Variants in NPAS3 observed in about 807,000 individuals in gnomAD.
NPAS3 encodes the protein neuronal PAS domain protein 3.
NPAS3 carries 14 observed loss-of-function variants against 73.1 expected under a neutral mutation model. That is an observed-to-expected ratio of 0.19 (90% CI 0.13 to 0.30). The LOEUF is 0.30. Ranked by LOEUF, NPAS3 falls within the 10% of genes least tolerant of loss-of-function variation. The pLI is 1.00. For missense variants in NPAS3, 1,096 were observed against 1,250.0 expected, an observed-to-expected ratio of 0.88 and a Z score of 1.86; for synonymous variants, 620 against 541.5, an observed-to-expected ratio of 1.14 and a Z score of -2.01.
intron 4 of NPAS3, among the ~76,000 whole-genome samples, chr14:33,542,337 T>G (rs2054559914): frequency 6.6e-6 from 1 of 151,832 alleles, no homozygotes; most frequent in South Asian, 2.1e-4. Context: ...TCCTCGAGAG[T>G]CCTCACTGTC....
At chr14:33,055,472 G>A (rs904123896) in intron 1 of NPAS3, among the ~76,000 whole-genome samples, 3 of 152,092 alleles carry the variant, frequency 2.0e-5, no homozygotes, top group Admixed American at 6.5e-5. Context: ...ATATTAACTC[G>A]ACCAAGGTTT....
intron 2 of NPAS3, among the ~76,000 whole-genome samples, chr14:33,073,920 C>A (rs981367206): frequency 6.6e-6 from 1 of 152,014 alleles, no homozygotes; most frequent in Non-Finnish European, 1.5e-5. Context: ...TAGATTGTTT[C>A]GTGTTTTATT....
In NPAS3 at chr14:33,498,332, C is replaced by G. The variant is rs553661285; in HGVS notation, c.469-61789C>G. Among the ~76,000 whole-genome samples the G allele has an allele frequency of 2.6e-5, 4 of 152,230 alleles. No homozygotes were observed. The Middle Eastern group carries it at 0.01, about 388-fold the overall frequency. On this transcript the variant is annotated intron_variant, in intron 4 of 11. Coordinates refer to ENST00000356141, the Ensembl canonical transcript of NPAS3. The stretch of plus-strand genomic sequence containing the variant: ...AGAAATACAATTTGAGCCAGCAATC[C>G]CATTACTGGGTATATACCCAAAGGC...
At chr14:33,105,731 A>G (rs1240205145) in intron 2 of NPAS3, among the ~76,000 whole-genome samples, 4 of 151,932 alleles carry the variant, frequency 2.6e-5, no homozygotes, top group African/African-American at 9.7e-5. Context: ...TCAGGCATAC[A>G]TATTGAACAT....
chr14:33,000,459 C>G (rs2038765224), intron 1 of NPAS3, among the ~76,000 whole-genome samples: 1 of 152,134 alleles, frequency 6.6e-6, no homozygotes, highest in Non-Finnish European at 1.5e-5. Context: ...CTGCAAGACT[C>G]TGCATGTATT....
At chr14:33,119,173 C>G (rs1191355858) in intron 2 of NPAS3, among the ~76,000 whole-genome samples, 1 of 151,954 alleles carries the variant, frequency 6.6e-6, no homozygotes, top group East Asian at 1.9e-4. Flanking sequence ...TGTTCAATTG[C>G]AAATAAATTA....
chr14:33,420,102 A>G (rs2048310403), intron 4 of NPAS3, among the ~76,000 whole-genome samples: 1 of 152,012 alleles, frequency 6.6e-6, no homozygotes, highest in Admixed American at 6.6e-5. Flanking sequence ...ATGGTCTTCA[A>G]AGATATTCAG....
intron 3 of NPAS3, among the ~76,000 whole-genome samples, chr14:33,301,481 C>G (rs1172479063): frequency 6.6e-6 from 1 of 151,612 alleles, no homozygotes; most frequent in African/African-American, 2.4e-5. Flanking sequence ...ATTCTACTAG[C>G]CTGTTAGACA....
At chr14:33,801,382 A>G (rs1330460868), downstream of NPAS3, 1 of 515,956 alleles carries the variant, frequency 1.9e-6, no homozygotes, top group Non-Finnish European at 3.4e-6. Context: ...TTTCCTTTGC[A>G]TCTTTATTAA....
At chr14:33,238,331 C>T (rs530339157) in intron 3 of NPAS3, among the ~76,000 whole-genome samples, 7 of 152,020 alleles carry the variant, frequency 4.6e-5, no homozygotes, top group Middle Eastern at 3.4e-3. Context: ...TTTTAAAATG[C>T]GGTCATTTTT....
chr14:33,423,419 T>G (rs1446207264), intron 4 of NPAS3, among the ~76,000 whole-genome samples: 1 of 152,010 alleles, frequency 6.6e-6, no homozygotes, highest in South Asian at 2.1e-4. Context: ...TACCCAAATA[T>G]ACCTTGCTAA....
chr14:33,183,317 T>C lies in NPAS3; in HGVS notation c.141-31865T>C, dbSNP rs559776871. On this transcript the variant is annotated intron_variant, in intron 2 of 11. Transcript: ENST00000356141. ...GGTGGGCGCCTGTAATCCCAGCTAC[T>C]TGGGGGGCTGAGGCAGGAGAATTGC... Among the ~76,000 whole-genome samples the C allele has an allele frequency of 2.6e-5, 4 of 151,290 alleles. No homozygotes were observed. In the South Asian group the frequency reaches 6.3e-4, roughly 24 times the overall value.
chr14:33,413,547 T>A (rs960045303), intron 4 of NPAS3, among the ~76,000 whole-genome samples: 1 of 152,080 alleles, frequency 6.6e-6, no homozygotes, highest in African/African-American at 2.4e-5. Context: ...GTGTGGGGCA[T>A]CGGAAGCTGA....
chr14:33,143,246 C>T (rs983719692), intron 2 of NPAS3, among the ~76,000 whole-genome samples: 4 of 152,210 alleles, frequency 2.6e-5, no homozygotes, highest in African/African-American at 9.7e-5. Flanking sequence ...AATCACAGCA[C>T]TTTGGGAGGC....
At chr14:33,265,398 T>C (rs535978698) in intron 3 of NPAS3, among the ~76,000 whole-genome samples, 1 of 152,224 alleles carries the variant, frequency 6.6e-6, no homozygotes, top group Non-Finnish European at 1.5e-5. Flanking sequence ...TCTTCATCTT[T>C]TACAATATAT....
intron 4 of NPAS3, among the ~76,000 whole-genome samples, chr14:33,418,268 A>G (rs986881785): frequency 1.3e-5 from 2 of 151,944 alleles, no homozygotes; most frequent in African/African-American, 4.8e-5. Flanking sequence ...GTGACTTTAT[A>G]AGCAAGCAAG....
intron 2 of NPAS3, among the ~76,000 whole-genome samples, chr14:33,171,388 A>C (rs990451332): frequency 6.3e-4 from 96 of 152,326 alleles, no homozygotes; most frequent in African/African-American, 2.3e-3. Context: ...TTCCACTTAA[A>C]GTTACCAGCT....
At chr14:33,704,538 A>G (rs1470565914) in intron 6 of NPAS3, among the ~76,000 whole-genome samples, 1 of 152,234 alleles carries the variant, frequency 6.6e-6, no homozygotes, top group Non-Finnish European at 1.5e-5. Context: ...CCTGAAGCAT[A>G]TTAGATCTGT....
chr14:32,935,357 C>G (rs749337125), upstream of NPAS3, among the ~76,000 whole-genome samples: 47 of 152,160 alleles, frequency 3.1e-4, no homozygotes, highest in Non-Finnish European at 3.2e-4. Context: ...AATGCCTCAG[C>G]CGGATGCGGA....
Sources: gnomAD v4.1 joint callset for allele counts (sites outside exome capture counted in the v4.1 genomes callset) on GRCh38, gnomAD v4.1.1 for gene constraint, MANE v1.5 for transcripts, NCBI Gene and HGNC (gene_info 2026-07-23, HGNC 2026-07-21) for gene names.